SUSD6: variants seen among roughly 807,000 people sequenced by gnomAD.
The protein encoded by SUSD6 is sushi domain containing 6.
A neutral mutation model predicts 28.4 loss-of-function variants in SUSD6; 16 were observed. That is an observed-to-expected ratio of 0.56 (90% confidence interval 0.38 to 0.86). The LOEUF (loss-of-function observed/expected upper bound fraction) is 0.86. SUSD6 is among the 40% of genes least tolerant of loss of function. The pLI is 0.00. For missense variants in SUSD6, 341 were observed against 384.2 expected (o/e 0.89, Z 0.94); for synonymous variants, 147 against 159.6 (o/e 0.92, Z 0.59).
intron 1 of SUSD6, among the ~76,000 whole-genome samples, chr14:69,653,456 G>A (rs1268922981): frequency 6.6e-6 from 1 of 152,232 alleles, no homozygotes; most frequent in Non-Finnish European, 1.5e-5. Context: ...ACAGAAGGCA[G>A]AGAGCCTTCA....
chr14:69,707,320 G>C (rs189744746), intron 4 of SUSD6, among the ~76,000 whole-genome samples: 2 of 152,234 alleles, frequency 1.3e-5, no homozygotes, highest in Non-Finnish European at 1.5e-5. Context: ...GAAAAAAAAG[G>C]CATGTTTATG....
intron 2 of SUSD6, among the ~76,000 whole-genome samples, chr14:69,691,970 C>T (rs748998298): frequency 2.7e-5 from 4 of 146,610 alleles, no homozygotes; most frequent in Non-Finnish European, 5.9e-5. Context: ...ACCCGGGAGG[C>T]GGAGGTTGCA....
At chr14:69,674,438 A>G (rs1885877950) in intron 2 of SUSD6, among the ~76,000 whole-genome samples, 1 of 151,712 alleles carries the variant, frequency 6.6e-6, no homozygotes, top group African/African-American at 2.4e-5. Context: ...CTTTGTACTC[A>G]TTTTTACTCC....
chr14:69,662,290 C>G lies in SUSD6; in HGVS notation c.121+3577C>G, dbSNP rs371565082. Among the ~76,000 whole-genome samples the G allele has an allele frequency of 2.8e-4, 43 of 152,306 alleles. 1 individual carries two copies. In the East Asian group the frequency reaches 7.3e-3, roughly 26 times the overall value. On this transcript the variant is annotated intron_variant, in intron 2 of 5. Transcript: ENST00000342745. ...TGGGCATCCTCTGGAGACAATTTGT[C>G]TGCATCGTCTCTGGTCGTAGATACC... is the stretch of plus-strand genomic sequence containing the variant.
chr14:69,665,733 A>C (rs555366880), intron 2 of SUSD6, among the ~76,000 whole-genome samples: 1 of 152,324 alleles, frequency 6.6e-6, no homozygotes, highest in South Asian at 2.1e-4. Context: ...ATTATGCTTC[A>C]ACTCTTCACC....
intron 1 of SUSD6, among the ~76,000 whole-genome samples, chr14:69,652,022 A>G (rs1885511904): frequency 1.3e-5 from 2 of 152,202 alleles, no homozygotes; most frequent in African/African-American, 4.8e-5. Flanking sequence ...GTTGGTGAAC[A>G]TAGTTAATTA....
rs759910810 is a variant in SUSD6 at position 69,708,668 on chromosome 14, C to T, written c.459-9C>T. 1.3e-6 allele frequency: 2 copies of T among 1,531,640 alleles called. No homozygotes were observed. The highest frequency in any genetic ancestry group is 2.5e-5 in the South Asian group (2 of 79,026). 94.9% of individuals were successfully genotyped at this position (1,531,640 alleles called of 1,614,324 possible). A position where few individuals can be genotyped will look rare whatever the true frequency, so the allele number is the denominator to read the frequency against. On this transcript the variant is annotated splice_polypyrimidine_tract_variant and intron_variant, in intron 4 of 5. Coordinates refer to ENST00000342745, the MANE Select transcript of SUSD6 (RefSeq NM_014734.4). ...AATTCATCCTTTGTCTTTTCCTCCT[C>T]CACTCCAGGCGTGACCAGGGGGTAT...
intron 1 of SUSD6, among the ~76,000 whole-genome samples, chr14:69,653,490 G>A (rs924377535): frequency 2.6e-5 from 4 of 152,298 alleles, no homozygotes; most frequent in South Asian, 4.1e-4. Context: ...GGCTGGTGGC[G>A]GAGGTGGGAC....
chr14:69,633,762 T>G (rs1038089394), intron 1 of SUSD6, among the ~76,000 whole-genome samples: 3 of 152,216 alleles, frequency 2.0e-5, no homozygotes, highest in Non-Finnish European at 4.4e-5. Context: ...TGCAGCCTCC[T>G]CAACTCCACT....
At chr14:69,647,246 C>G (rs1885441115) in intron 1 of SUSD6, among the ~76,000 whole-genome samples, 2 of 152,162 alleles carry the variant, frequency 1.3e-5, no homozygotes, top group Admixed American at 1.3e-4. Flanking sequence ...ATCAGGAAGA[C>G]TCTTTTGAAA....
intron 2 of SUSD6, among the ~76,000 whole-genome samples, chr14:69,699,695 C>T (rs143737055): frequency 2.8e-3 from 429 of 152,162 alleles, no homozygotes; most frequent in African/African-American, 0.01. Context: ...CATACTGAAG[C>T]GGTGTTGTTG....
chr14:69,688,115 A>G (rs1183882396), intron 2 of SUSD6, among the ~76,000 whole-genome samples: 1 of 152,216 alleles, frequency 6.6e-6, no homozygotes, highest in Non-Finnish European at 1.5e-5. Flanking sequence ...GGCAGAAAGA[A>G]GAAGACTAGA....
chr14:69,667,883 G>A (rs1364001560), intron 2 of SUSD6, among the ~76,000 whole-genome samples: 1 of 152,180 alleles, frequency 6.6e-6, no homozygotes, highest in Non-Finnish European at 1.5e-5. Flanking sequence ...TTGCATATAA[G>A]CTCGTTGAAC....
intron 1 of SUSD6, among the ~76,000 whole-genome samples, chr14:69,621,965 G>A (rs1017370183): frequency 3.9e-5 from 6 of 152,208 alleles, no homozygotes; most frequent in Non-Finnish European, 8.8e-5. Context: ...TCTGTGAATA[G>A]TGAAGGTATT....
At chr14:69,619,884 C>G (rs8010466) in intron 1 of SUSD6, among the ~76,000 whole-genome samples, 1,966 of 152,338 alleles carry the variant, frequency 0.013, 43 homozygotes, top group African/African-American at 0.045. Context: ...CCCTTCAGAG[C>G]TGTGTCTCGA....
At chr14:69,653,921 T>C (rs1885541692) in intron 1 of SUSD6, among the ~76,000 whole-genome samples, 1 of 152,180 alleles carries the variant, frequency 6.6e-6, no homozygotes, top group African/African-American at 2.4e-5. Context: ...TTTGGAGATT[T>C]AGGGGTTAGC....
At chr14:69,657,975 G>A (rs1311756469) in intron 1 of SUSD6, among the ~76,000 whole-genome samples, 1 of 152,218 alleles carries the variant, frequency 6.6e-6, no homozygotes, top group East Asian at 1.9e-4. Flanking sequence ...CTTGATTAAT[G>A]AGATTCACGG....
Position 69,708,964 on chromosome 14 carries a change from C to T in SUSD6, c.746C>T (p.Thr249Ile). The stretch of plus-strand genomic sequence containing the variant: ...GCCTGGGGCTCTCGGGCCTCAGAGA[C>T]TGTGATGGTGCATCAGGCAACCACC... ...CEAWGSRASE[T>I]VMVHQATTSS... Residue 249 changes from threonine to isoleucine, a missense_variant, in exon 5 of 6, where the codon ACT becomes ATT. Physicochemically the swap from Thr to Ile is moderately conservative, Grantham distance 89. Coordinates refer to ENST00000342745, the MANE Select transcript of SUSD6 (RefSeq NM_014734.4). The T allele has an allele frequency of 1.9e-6, 3 of 1,614,154 alleles. No homozygotes were observed. Among genetic ancestry groups the T allele is most frequent in the Non-Finnish European group, 2.5e-6 (3 of 1,180,044 alleles).
chr14:69,622,653 G>A (rs1342290386), intron 1 of SUSD6, among the ~76,000 whole-genome samples: 1 of 152,082 alleles, frequency 6.6e-6, no homozygotes, highest in Non-Finnish European at 1.5e-5. Flanking sequence ...GAGTGCAGTG[G>A]TGCGATCTCG....
Sources: gnomAD v4.1 joint callset for allele counts (sites outside exome capture counted in the v4.1 genomes callset) on GRCh38, gnomAD v4.1.1 for gene constraint, MANE v1.5 for transcripts, NCBI Gene and HGNC (gene_info 2026-07-23, HGNC 2026-07-21) for gene names.